The following PTPRT variants were observed in gnomAD, a reference collection of about 807,000 sequenced individuals.
PTPRT encodes the protein protein tyrosine phosphatase receptor type T.
Under a neutral mutation model 176.8 loss-of-function variants are expected in PTPRT, and 56 were observed. The observed-to-expected ratio is 0.32, with a 90% CI of 0.26 to 0.40. PTPRT has a LOEUF of 0.40. PTPRT is among the 10% of genes least tolerant of loss of function. The pLI, the probability that PTPRT is intolerant of heterozygous loss-of-function variation, is 1.00. For synonymous variants in PTPRT, 783 were observed against 739.0 expected (o/e 1.06, Z -0.96); for missense variants, 1,540 against 1,908.2 (o/e 0.81, Z 3.60).
intron 7 of PTPRT, among the ~76,000 whole-genome samples, chr20:42,496,484 C>T (rs1020230591): frequency 1.3e-5 from 2 of 152,110 alleles, no homozygotes; most frequent in Non-Finnish European, 2.9e-5. Flanking sequence ...TTTTCTGGCA[C>T]CGCTCCTTCT....
At chr20:43,093,016 G>C (rs1017435170) in intron 1 of PTPRT, among the ~76,000 whole-genome samples, 1 of 152,074 alleles carries the variant, frequency 6.6e-6, no homozygotes, top group Non-Finnish European at 1.5e-5. Flanking sequence ...TAAATATAGA[G>C]AAAAAAGGGA....
At chr20:42,205,844 G>T (rs970574298) in intron 15 of PTPRT, among the ~76,000 whole-genome samples, 12 of 152,094 alleles carry the variant, frequency 7.9e-5, no homozygotes, top group African/African-American at 2.9e-4. Flanking sequence ...TCACAAGTGA[G>T]GCCCTGCTTC....
intron 6 of PTPRT, among the ~76,000 whole-genome samples, chr20:42,683,271 T>TTTTTGTTTTGTTTTGTTGTTTTGTTTTG (rs2075634994): frequency 6.7e-6 from 1 of 149,280 alleles, no homozygotes; most frequent in African/African-American, 2.5e-5. Flanking sequence ...TTACTTGTTT[T>TTTTTGTTTTGTTTTGTTGTTTTGTTTTG]TTTTGTTTTG....
chr20:42,065,426 T>C, the PTPRT span, among the ~76,000 whole-genome samples: 1 of 152,268 alleles, frequency 6.6e-6, no homozygotes, highest in African/African-American at 2.4e-5. Context: ...TCATGCATTT[T>C]GTAGTAATAA....
At chr20:42,649,767 T>C (rs1379632653) in intron 7 of PTPRT, among the ~76,000 whole-genome samples, 1 of 151,854 alleles carries the variant, frequency 6.6e-6, no homozygotes, top group African/African-American at 2.4e-5. Flanking sequence ...CTCTCTCATG[T>C]TTGGAGAGAC....
intron 5 of PTPRT, among the ~76,000 whole-genome samples, chr20:42,771,134 T>G (rs1159003288): frequency 1.3e-5 from 2 of 152,010 alleles, no homozygotes; most frequent in Non-Finnish European, 2.9e-5. Context: ...TCCGCAGGGG[T>G]TTGGGCCATG....
At chr20:43,025,671 G>C (rs1985880127) in intron 1 of PTPRT, among the ~76,000 whole-genome samples, 1 of 152,172 alleles carries the variant, frequency 6.6e-6, no homozygotes, top group Admixed American at 6.5e-5. Context: ...GTCTTAGGTT[G>C]AGTTAAACTT....
chr20:43,018,976 T>C (rs1985509592), intron 1 of PTPRT, among the ~76,000 whole-genome samples: 2 of 152,252 alleles, frequency 1.3e-5, no homozygotes, highest in South Asian at 4.1e-4. Context: ...CATTTCACTC[T>C]TCAAAATTTA....
intron 7 of PTPRT, among the ~76,000 whole-genome samples, chr20:42,555,509 C>T (rs62203776): frequency 0.047 from 7,152 of 152,166 alleles, 190 homozygotes; most frequent in African/African-American, 0.071. Context: ...ACTGCAACTC[C>T]CAATAGGGAA....
At chr20:42,297,150 G>A (rs1230489436) in intron 12 of PTPRT, among the ~76,000 whole-genome samples, 2 of 152,070 alleles carry the variant, frequency 1.3e-5, no homozygotes, top group African/African-American at 4.8e-5. Flanking sequence ...ACATGGCAAA[G>A]GATACTTTTT....
At chr20:42,872,050 G>T (rs2078855226) in intron 2 of PTPRT, among the ~76,000 whole-genome samples, 1 of 152,188 alleles carries the variant, frequency 6.6e-6, no homozygotes, top group Non-Finnish European at 1.5e-5. Context: ...ACAAGGCTTT[G>T]AATCCTGAGA....
At chr20:43,041,357 T>A (rs559298223) in intron 1 of PTPRT, among the ~76,000 whole-genome samples, 1 of 152,272 alleles carries the variant, frequency 6.6e-6, no homozygotes, top group Non-Finnish European at 1.5e-5. Flanking sequence ...AATGTTGTTA[T>A]AATTAGCTTT....
chr20:42,671,930 A>G (rs1216279691), intron 7 of PTPRT, among the ~76,000 whole-genome samples: 1 of 152,238 alleles, frequency 6.6e-6, no homozygotes, highest in Non-Finnish European at 1.5e-5. Flanking sequence ...CGCATGGAAG[A>G]GGCAGTTATC....
chr20:42,557,887 C>T (rs557997851), intron 7 of PTPRT, among the ~76,000 whole-genome samples: 2 of 152,314 alleles, frequency 1.3e-5, no homozygotes, highest in East Asian at 3.9e-4. Context: ...TTTCCCATGG[C>T]CAACCCATTG....
intron 1 of PTPRT, among the ~76,000 whole-genome samples, chr20:43,095,651 A>T (rs1346393014): frequency 2.3e-5 from 2 of 88,696 alleles, no homozygotes; most frequent in Non-Finnish European, 4.6e-5. Context: ...ACTCTCTCCC[A>T]CCTCTCTTCC....
intron 23 of PTPRT, among the ~76,000 whole-genome samples, chr20:42,107,854 G>A (rs2146273551): frequency 6.6e-6 from 1 of 152,312 alleles, no homozygotes; most frequent in East Asian, 1.9e-4. Context: ...AATCCAAGGG[G>A]CACAGGCCAG....
chr20:42,184,561 A>ATTC (rs1402560409), intron 16 of PTPRT, among the ~76,000 whole-genome samples: 11 of 128,254 alleles, frequency 8.6e-5, no homozygotes, highest in Admixed American at 1.6e-4. Flanking sequence ...TCTTCTTCTT[A>ATTC]TTCTTCTTCT....
At chr20:42,264,537 T>G (rs752564474) in intron 13 of PTPRT, among the ~76,000 whole-genome samples, 2 of 152,194 alleles carry the variant, frequency 1.3e-5, no homozygotes, top group African/African-American at 2.4e-5. Flanking sequence ...GGCTCCTGGA[T>G]GTCACCTGCC....
intron 1 of PTPRT, among the ~76,000 whole-genome samples, chr20:42,927,450 TAC>T: frequency 6.6e-6 from 1 of 152,078 alleles, no homozygotes; most frequent in Non-Finnish European, 1.5e-5. Context: ...TAATCCAAGC[TAC>T]TTGGGAGACT....
Sources: allele counts gnomAD v4.1 joint callset (sites outside exome capture counted in the v4.1 genomes callset), GRCh38; gene constraint gnomAD v4.1.1; transcripts MANE v1.5; gene names NCBI Gene and HGNC (gene_info 2026-07-23, HGNC 2026-07-21).